Variants in ARHGEF12 observed in about 807,000 individuals in gnomAD.
ARHGEF12 encodes KMT2A/ARHGEF12 fusion protein.
In ARHGEF12, 66 loss-of-function variants were observed where a neutral mutation model predicts 211.2. The ratio of observed to expected loss-of-function variants is 0.31; its 90% CI spans 0.26 to 0.38. The LOEUF (loss-of-function observed/expected upper bound fraction) is 0.38. ARHGEF12 is among the 10% of genes least tolerant of loss of function. ARHGEF12 has a pLI of 1.00. For synonymous variants in ARHGEF12, 592 were observed against 638.4 expected, an observed-to-expected ratio of 0.93 and a Z score of 1.09; for missense variants, 1,429 against 1,869.5, an observed-to-expected ratio of 0.76 and a Z score of 4.34.
intron 38 of ARHGEF12, 90 bp from the exon 39 acceptor site, chr11:120,481,169 CT>C (rs762314787): frequency 1.6e-6 from 2 of 1,212,492 alleles, no homozygotes; most frequent in East Asian, 2.4e-5. Flanking sequence ...CTCTTAATAA[CT>C]TTTCAAGTTG....
intron 35 of ARHGEF12, 60 bp downstream of exon 35, chr11:120,477,365 G>C (rs1212045603): frequency 1.2e-6 from 2 of 1,602,720 alleles, no homozygotes; most frequent in Non-Finnish European, 1.7e-6. Flanking sequence ...GAAAAGACTA[G>C]GATAATTATT....
At chr11:120,365,570 A>G (rs571853326) in intron 1 of ARHGEF12, 31 of 152,352 alleles carry the variant, frequency 2.0e-4, no homozygotes, top group African/African-American at 7.5e-4. Context: ...GAGGTCATTA[A>G]CAACTTCAGA....
intron 1 of ARHGEF12, 61 bp downstream of exon 1, chr11:120,337,336 T>C: frequency 6.2e-7 from 1 of 1,610,552 alleles, no homozygotes; most frequent in Non-Finnish European, 8.5e-7. Context: ...AGCAGGGGAG[T>C]CGGTGATTGC....
chr11:120,449,780 A>G (rs975154603), intron 21 of ARHGEF12: 1 of 151,804 alleles, frequency 6.6e-6, no homozygotes, highest in Non-Finnish European at 1.5e-5. Context: ...TGTCCGTAAC[A>G]TAGTTTACTT....
intron 30 of ARHGEF12, among the ~76,000 whole-genome samples, chr11:120,472,381 A>G (rs537996303): frequency 1.1e-4 from 16 of 152,276 alleles, no homozygotes; most frequent in African/African-American, 3.9e-4. Context: ...TTGCTTCTTT[A>G]GGGAAAATTG....
In ARHGEF12 at chr11:120,484,456, A is replaced by G; in HGVS notation, c.4573A>G (p.Thr1525Ala). 6.2e-7 allele frequency: 1 copy of G among 1,614,090 alleles called. No individual in the cohort carries two copies. The highest frequency in any genetic ancestry group is 8.5e-7 in the Non-Finnish European group (1 of 1,180,014). Residue 1525 changes from threonine (T) to alanine (A), a missense_variant, in exon 40 of 41, where the codon ACC becomes GCC. This residue lies in a region of ARHGEF12 where 467 missense variants were observed against 468.4 expected (regional missense o/e 1.00). Transcript: ENST00000397843. ...EHLKKVEESY[T>A]ILCQRLAGSA... is the part of the protein sequence containing the mutation. ...TTCACAGAAGGTGGAGGAAAGTTAC[A>G]CCATTCTTTGCCAAAGGCTGGCTGG...
At chr11:120,430,819 T>C (rs996232301) in intron 10 of ARHGEF12, among the ~76,000 whole-genome samples, 7 of 152,180 alleles carry the variant, frequency 4.6e-5, no homozygotes, top group Non-Finnish European at 8.8e-5. Flanking sequence ...GGCCATACAG[T>C]ATGTAAGGTC....
intron 1 of ARHGEF12, among the ~76,000 whole-genome samples, chr11:120,364,851 T>C (rs10892565): frequency 0.21 from 30,922 of 146,176 alleles, 3,580 homozygotes; most frequent in African/African-American, 0.3. Context: ...CAAGTCCCAC[T>C]TTGTCGCCTA....
intron 1 of ARHGEF12, among the ~76,000 whole-genome samples, chr11:120,376,576 T>C (rs535956348): frequency 6.6e-6 from 1 of 152,316 alleles, no homozygotes; most frequent in South Asian, 2.1e-4. Flanking sequence ...GAGACAGGGA[T>C]ACAATGCATG....
intron 28 of ARHGEF12, among the ~76,000 whole-genome samples, 182 bp from the exon 29 acceptor site, chr11:120,467,012 C>T (rs1165316436): frequency 6.6e-6 from 1 of 152,270 alleles, no homozygotes; most frequent in East Asian, 1.9e-4. Flanking sequence ...GGCTCCCTTC[C>T]CCCATTATGT....
At position 120,479,740 on chromosome 11, in the gene ARHGEF12, C is replaced by A. The variant is rs568307833; in HGVS notation, c.3767-220C>A. Among the ~76,000 whole-genome samples the A allele has an allele frequency of 2.2e-4, 34 of 152,246 alleles. No individual in the cohort carries two copies. In the East Asian group the frequency reaches 6.4e-3, roughly 28 times the overall value. ...TTTCAAGTTTAGTTTAACGTTAAAT[C>A]TTCTCTAAAAGATGGTGCTTTATTT... On this transcript the variant is annotated intron_variant, in intron 37 of 40. Coordinates refer to ENST00000397843, the MANE Select transcript of ARHGEF12 (RefSeq NM_015313.3).
intron 4 of ARHGEF12, among the ~76,000 whole-genome samples, chr11:120,418,196 T>C (rs909273529): frequency 6.6e-6 from 1 of 152,226 alleles, no homozygotes. Flanking sequence ...TGCAGAAAGT[T>C]CCTTCATTTC....
chr11:120,420,727 T>G, intron 4 of ARHGEF12, 26 bp from the exon 5 acceptor site: 2 of 1,584,220 alleles, frequency 1.3e-6, no homozygotes, highest in Middle Eastern at 1.7e-4. Context: ...TCTTCCTTCT[T>G]GTTTTACACT....
intron 1 of ARHGEF12, among the ~76,000 whole-genome samples, chr11:120,359,971 T>C (rs1449993676): frequency 2.6e-5 from 4 of 152,198 alleles, no homozygotes; most frequent in African/African-American, 4.8e-5. Flanking sequence ...CAGAGAAAGA[T>C]TGGTAGATAA....
intron 4 of ARHGEF12, among the ~76,000 whole-genome samples, chr11:120,420,074 C>T (rs992608978): frequency 3.3e-5 from 5 of 152,188 alleles, no homozygotes; most frequent in Non-Finnish European, 7.3e-5. Context: ...CCTTAGGAAT[C>T]AGGTAAGTAT....
At chr11:120,412,811 T>C (rs1017107122) in intron 4 of ARHGEF12, among the ~76,000 whole-genome samples, 1 of 152,132 alleles carries the variant, frequency 6.6e-6, no homozygotes, top group African/African-American at 2.4e-5. Flanking sequence ...ACTCACCTAG[T>C]CTTATATTTC....
At position 120,459,204 on chromosome 11, in the gene ARHGEF12, G is replaced by A. The variant is rs139838435; in HGVS notation, c.2411G>A (p.Arg804Gln). The A allele has an allele frequency of 6.2e-7, 1 of 1,612,842 alleles. No homozygotes were observed. Among genetic ancestry groups the A allele is most frequent in the African/African-American group, 1.3e-5 (1 of 74,948 alleles). The change falls in exon 26 of 41, where the codon CGA becomes CAA. Residue 804 changes from arginine (R) to glutamine (Q), a missense_variant. This residue lies in a region of ARHGEF12 where 223 missense variants were observed against 444.6 expected (regional missense o/e 0.50). Coordinates refer to ENST00000397843, the MANE Select transcript of ARHGEF12 (RefSeq NM_015313.3). ...TTCTACACTGAAAGAGCTCATGTTC[G>A]AACACTGAAGGTTCTTGATCAAGTG... The part of the protein sequence containing the change: ...ELFYTERAHV[R>Q]TLKVLDQVFY...
Position 120,340,608 on chromosome 11 carries a change from A to T in ARHGEF12, c.32+3333A>T, listed in dbSNP as rs1245395058. ...AAATTGCTGTATAATGGTTTTGATTAAAAAAAAAAGAGCTACTCATGTTTA... is the reference window on the plus strand; with the variant it reads ...AAATTGCTGTATAATGGTTTTGATTTAAAAAAAAAGAGCTACTCATGTTTA... On this transcript the variant is annotated intron_variant, in intron 1 of 40. Coordinates refer to ENST00000397843, the MANE Select transcript of ARHGEF12 (RefSeq NM_015313.3). Among the ~76,000 whole-genome samples the T allele has an allele frequency of 5.4e-5, 8 of 148,216 alleles. No individual in the cohort carries two copies. The East Asian group carries it at 1.2e-3, about 22-fold the overall frequency.
chr11:120,427,474 G>A (rs910809563), intron 7 of ARHGEF12, among the ~76,000 whole-genome samples: 3 of 151,914 alleles, frequency 2.0e-5, no homozygotes, highest in East Asian at 1.9e-4. Context: ...AGGCCAAGGC[G>A]GGTGGATCGC....
Sources: gnomAD v4.1 joint callset for allele counts (sites outside exome capture counted in the v4.1 genomes callset) on GRCh38, gnomAD v4.1.1 for gene constraint, gnomAD v4.1.1 regional missense constraint, MANE v1.5 for transcripts, NCBI Gene and HGNC (gene_info 2026-07-23, HGNC 2026-07-21) for gene names.